Variants in SPIDR observed in about 807,000 individuals in gnomAD.
SPIDR encodes the protein scaffold protein involved in DNA repair.
In SPIDR, 93 loss-of-function variants were observed where a neutral mutation model predicts 104.6. The observed-to-expected ratio is 0.89, with a 90% confidence interval of 0.75 to 1.06. SPIDR has a LOEUF of 1.06. Among genes scored for constraint, SPIDR ranks in the 50% least tolerant of loss-of-function variants. The probability of loss-of-function intolerance (pLI) is 0.00; values close to 1 mark genes in which losing one functional copy is unlikely to be tolerated. For missense variants in SPIDR, 1,154 were observed against 1,111.2 expected, an observed-to-expected ratio of 1.04 and a Z score of -0.55; for synonymous variants, 431 against 416.9, an observed-to-expected ratio of 1.03 and a Z score of -0.41.
At chr8:47,547,339 C>A in intron 8 of SPIDR, 1 of 501,714 alleles carries the variant, frequency 2.0e-6, no homozygotes. Flanking sequence ...ATCTATGAAT[C>A]CAGCAGGGTG....
chr8:47,573,447 C>T (rs1000289678), intron 8 of SPIDR, among the ~76,000 whole-genome samples: 2 of 152,190 alleles, frequency 1.3e-5, no homozygotes, highest in African/African-American at 4.8e-5. Flanking sequence ...CTGTCATGAG[C>T]GCAGTAGCTG....
chr8:47,663,807 A>G (rs1435252571), intron 10 of SPIDR, among the ~76,000 whole-genome samples: 11 of 152,222 alleles, frequency 7.2e-5, no homozygotes, highest in Admixed American at 2.0e-4. Context: ...GAGAATCTTT[A>G]TTTCCAATGG....
chr8:47,497,098 C>CT (rs2079574831), intron 8 of SPIDR, among the ~76,000 whole-genome samples: 3 of 151,550 alleles, frequency 2.0e-5, no homozygotes, highest in Non-Finnish European at 3.0e-5. Flanking sequence ...AGCCTTCTCT[C>CT]ATTTTTTCTT....
intron 5 of SPIDR, among the ~76,000 whole-genome samples, chr8:47,311,804 G>A (rs1165708789): frequency 1.3e-5 from 2 of 151,716 alleles, no homozygotes; most frequent in East Asian, 1.9e-4. Flanking sequence ...GTGCCATGTT[G>A]GTGTGCTGCA....
chr8:47,363,584 G>T (rs1348786606), intron 5 of SPIDR, among the ~76,000 whole-genome samples: 2 of 151,846 alleles, frequency 1.3e-5, no homozygotes, highest in Non-Finnish European at 2.9e-5. Flanking sequence ...CCAGGCTCTG[G>T]CAGTGATCTC....
chr8:47,300,794 T>C (rs905065438), intron 5 of SPIDR, among the ~76,000 whole-genome samples: 141 of 152,354 alleles, frequency 9.3e-4, no homozygotes, highest in African/African-American at 3.3e-3. Context: ...CTAGTTTGAT[T>C]GCACTGTGGT....
chr8:47,566,296 G>A (rs760031314), intron 8 of SPIDR, among the ~76,000 whole-genome samples: 3 of 151,748 alleles, frequency 2.0e-5, no homozygotes, highest in Admixed American at 6.6e-5. Context: ...GTGAGCCACC[G>A]TGCCTGGCAT....
chr8:47,419,134 A>C (rs2064944415), intron 7 of SPIDR: 1 of 152,284 alleles, frequency 6.6e-6, no homozygotes, highest in African/African-American at 2.4e-5. Context: ...TGGCCTGATA[A>C]AATGAGTGAG....
intron 8 of SPIDR, among the ~76,000 whole-genome samples, chr8:47,536,417 A>G (rs180728525): frequency 5.3e-5 from 8 of 152,328 alleles, no homozygotes; most frequent in Admixed American, 1.3e-4. Flanking sequence ...GTGATACAGG[A>G]AAAAGAATAG....
At chr8:47,420,185 T>C (rs1398864105) in intron 7 of SPIDR, among the ~76,000 whole-genome samples, 1 of 152,196 alleles carries the variant, frequency 6.6e-6, no homozygotes, top group African/African-American at 2.4e-5. Flanking sequence ...ACTTTGTGTC[T>C]CGTTGATCTG....
At chr8:47,437,157 A>G (rs1366198649) in intron 7 of SPIDR, among the ~76,000 whole-genome samples, 2 of 151,944 alleles carry the variant, frequency 1.3e-5, no homozygotes, top group Non-Finnish European at 2.9e-5. Context: ...GGTTAGTTAC[A>G]TATGTATACA....
intron 8 of SPIDR, among the ~76,000 whole-genome samples, chr8:47,518,793 C>T (rs996581045): frequency 1.3e-5 from 2 of 151,910 alleles, no homozygotes; most frequent in African/African-American, 2.4e-5. Context: ...CCTGCCACCA[C>T]GCCTGGCTAG....
intron 8 of SPIDR, among the ~76,000 whole-genome samples, chr8:47,485,334 G>A (rs1195820021): frequency 1.3e-5 from 2 of 152,238 alleles, no homozygotes; most frequent in Non-Finnish European, 2.9e-5. Flanking sequence ...TGAGGCTTGA[G>A]TAGGTAAACA....
At chr8:47,624,880 C>G (rs1337706710) in intron 10 of SPIDR, among the ~76,000 whole-genome samples, 1 of 152,180 alleles carries the variant, frequency 6.6e-6, no homozygotes, top group Non-Finnish European at 1.5e-5. Context: ...CTCCCTAACT[C>G]ATTTTATGAG....
chr8:47,466,912 T>TATAGATAG (rs1240331641), intron 8 of SPIDR, among the ~76,000 whole-genome samples: 111 of 113,342 alleles, frequency 9.8e-4, no homozygotes, highest in African/African-American at 3.2e-3. Context: ...TATATATATA[T>TATAGATAG]ATAGATAGAT....
intron 10 of SPIDR, among the ~76,000 whole-genome samples, chr8:47,668,064 A>C (rs2075239183): frequency 6.6e-6 from 1 of 152,210 alleles, no homozygotes; most frequent in Non-Finnish European, 1.5e-5. Flanking sequence ...GGTAGTTCAG[A>C]ATCTTCTCAG....
intron 8 of SPIDR, among the ~76,000 whole-genome samples, chr8:47,445,869 A>G (rs545184373): frequency 1.3e-5 from 2 of 152,216 alleles, no homozygotes; most frequent in Admixed American, 1.3e-4. Context: ...CTAACCTTCT[A>G]CAATTCTTTG....
intron 8 of SPIDR, among the ~76,000 whole-genome samples, chr8:47,470,948 A>C (rs536342765): frequency 6.6e-6 from 1 of 152,180 alleles, no homozygotes; most frequent in Admixed American, 6.5e-5. Flanking sequence ...GTTAGCCAGG[A>C]TGGTCTCGAT....
At chr8:47,513,268 G>T (rs2082637658) in intron 8 of SPIDR, among the ~76,000 whole-genome samples, 1 of 152,092 alleles carries the variant, frequency 6.6e-6, no homozygotes, top group African/African-American at 2.4e-5. Context: ...TAACAAACAG[G>T]TTTTGCCCAA....
Sources: allele counts gnomAD v4.1 joint callset (sites outside exome capture counted in the v4.1 genomes callset), GRCh38; gene constraint gnomAD v4.1.1; transcripts MANE v1.5; gene names NCBI Gene and HGNC (gene_info 2026-07-23, HGNC 2026-07-21).